Variants in NLGN4Y observed in about 807,000 individuals in gnomAD.
NLGN4Y encodes neuroligin-4, Y-linked.
In NLGN4Y, 4 loss-of-function variants were observed where a neutral mutation model predicts 8.4. That is an observed-to-expected ratio of 0.48 (90% CI 0.23 to 1.09). The LOEUF (loss-of-function observed/expected upper bound fraction) is 1.09, where lower values mean the gene tolerates loss of function less well. Among genes scored for constraint, NLGN4Y ranks in the 50% least tolerant of loss-of-function variants. NLGN4Y has a pLI of 0.19. For missense variants in NLGN4Y, 90 were observed against 192.3 expected (o/e 0.47, Z 3.15); for synonymous variants, 35 against 75.6 (o/e 0.46, Z 2.78).
chrY:14,729,661 C>T (rs894102804), intron 4 of NLGN4Y, among the ~76,000 whole-genome samples: 3 of 33,367 alleles, frequency 9.0e-5, no homozygotes, highest in Admixed American at 5.5e-4. Flanking sequence ...GTCAATGTAC[C>T]TCACAGCATC....
intron 1 of NLGN4Y, among the ~76,000 whole-genome samples, chrY:14,567,043 G>A (rs2080254171): frequency 6.0e-5 from 2 of 33,098 alleles, no homozygotes; most frequent in Non-Finnish European, 1.5e-4. Flanking sequence ...TTGAAAGCCA[G>A]CTTCATATTT....
At chrY:14,609,112 G>T (rs2080458041) in intron 1 of NLGN4Y, among the ~76,000 whole-genome samples, 1 of 33,240 alleles carries the variant, frequency 3.0e-5, no homozygotes, top group Non-Finnish European at 7.4e-5. Context: ...GGGATTTGGG[G>T]CTGAGACAAT....
rs761083520 is a variant in NLGN4Y at position 14,719,277 on chromosome Y, T to C, written c.473-182T>C. Among the ~76,000 whole-genome samples the C allele has an allele frequency of 1.2e-4, 4 of 33,575 alleles. No individual in the cohort carries two copies. The South Asian group carries it at 2.6e-3, about 22-fold the overall frequency. The allele number at this position is 33,575 out of a possible 37,273, so 90.1% of individuals were successfully genotyped here. On this transcript the variant is annotated intron_variant, in intron 2 of 6. Transcript: ENST00000684976. ...TCTTCTTGACATCTTTATGTTTATA[T>C]GCATTTTGCATTTCCCTATCTCATT...
intron 4 of NLGN4Y, among the ~76,000 whole-genome samples, chrY:14,787,234 C>G: frequency 3.2e-5 from 1 of 31,517 alleles, no homozygotes; most frequent in South Asian, 7.4e-4. Context: ...CTCTCTTGAC[C>G]ACGCTGGTTT....
chrY:14,590,276 G>A (rs2080365284), intron 1 of NLGN4Y, among the ~76,000 whole-genome samples: 1 of 34,331 alleles, frequency 2.9e-5, no homozygotes, highest in Non-Finnish European at 7.4e-5. Flanking sequence ...TGCCACCAAA[G>A]TGGGAGCCCA....
chrY:14,591,941 T>C, intron 1 of NLGN4Y, among the ~76,000 whole-genome samples: 2 of 32,681 alleles, frequency 6.1e-5, no homozygotes, highest in Admixed American at 5.6e-4. Flanking sequence ...GTAACGAGGG[T>C]GGAAGGTCAA....
intron 2 of NLGN4Y, among the ~76,000 whole-genome samples, chrY:14,687,121 G>C: frequency 3.1e-5 from 1 of 32,715 alleles, no homozygotes; most frequent in African/African-American, 1.2e-4. Flanking sequence ...TTTAGAAGGT[G>C]ATGAGTGTTC....
At chrY:14,591,081 C>T (rs766185080) in intron 1 of NLGN4Y, among the ~76,000 whole-genome samples, 12 of 32,625 alleles carry the variant, frequency 3.7e-4, no homozygotes, top group South Asian at 1.4e-3. Context: ...TCTGCGCTGA[C>T]GGACTTGAGC....
intron 4 of NLGN4Y, among the ~76,000 whole-genome samples, chrY:14,729,215 G>T (rs909826435): frequency 9.0e-5 from 3 of 33,415 alleles, no homozygotes; most frequent in Non-Finnish European, 1.5e-4. Flanking sequence ...AGTCAGTACC[G>T]CATACTGGTT....
intron 2 of NLGN4Y, among the ~76,000 whole-genome samples, chrY:14,676,938 A>C (rs898676806): frequency 1.2e-4 from 4 of 32,814 alleles, no homozygotes; most frequent in Non-Finnish European, 3.0e-4. Flanking sequence ...ATCCCTAGCT[A>C]TGTGCTTTCT....
intron 4 of NLGN4Y, among the ~76,000 whole-genome samples, chrY:14,790,173 C>T (rs2042980172): frequency 9.2e-5 from 3 of 32,603 alleles, no homozygotes; most frequent in African/African-American, 2.4e-4. Flanking sequence ...AGCTTAATGA[C>T]GTATGCATAT....
chrY:14,776,247 A>G (rs919073210), intron 4 of NLGN4Y, among the ~76,000 whole-genome samples: 1 of 30,851 alleles, frequency 3.2e-5, no homozygotes, highest in African/African-American at 1.2e-4. Flanking sequence ...AATTATATAT[A>G]TAAAATGTAT....
intron 1 of NLGN4Y, among the ~76,000 whole-genome samples, chrY:14,538,620 CT>C: frequency 3.1e-5 from 1 of 32,353 alleles, no homozygotes. Flanking sequence ...GCATTTTTCC[CT>C]TTTTTTTTGA....
intron 1 of NLGN4Y, among the ~76,000 whole-genome samples, chrY:14,575,523 A>G (rs2080294376): frequency 2.8e-4 from 9 of 32,295 alleles, no homozygotes; most frequent in African/African-American, 1.1e-3. Context: ...CTTCTTTGCC[A>G]TGGGTTCAAA....
intron 2 of NLGN4Y, among the ~76,000 whole-genome samples, chrY:14,685,586 C>T: frequency 6.0e-5 from 2 of 33,333 alleles, no homozygotes; most frequent in African/African-American, 2.3e-4. Flanking sequence ...AAGGCCATTA[C>T]CTTCCCTCTA....
At chrY:14,619,286 A>G in intron 1 of NLGN4Y, among the ~76,000 whole-genome samples, 2 of 34,327 alleles carry the variant, frequency 5.8e-5, no homozygotes, top group Non-Finnish European at 1.5e-4. Context: ...CAACTGTTCA[A>G]TACTTTGAGG....
intron 4 of NLGN4Y, among the ~76,000 whole-genome samples, chrY:14,821,614 C>T: frequency 1.2e-4 from 4 of 33,226 alleles, no homozygotes; most frequent in Non-Finnish European, 3.0e-4. Context: ...AACTACAGAG[C>T]GCTGATTGGT....
chrY:14,637,457 G>T, intron 2 of NLGN4Y, among the ~76,000 whole-genome samples: 1 of 33,569 alleles, frequency 3.0e-5, no homozygotes, highest in African/African-American at 1.2e-4. Context: ...GAGTTTATGT[G>T]AAATTTTTTT....
chrY:14,634,251 TATTTCAATCTA>T (rs2080557855), intron 2 of NLGN4Y, among the ~76,000 whole-genome samples: 1 of 33,407 alleles, frequency 3.0e-5, no homozygotes, highest in Non-Finnish European at 7.4e-5. Flanking sequence ...TCCACCTTAT[TATTTCAATCTA>T]ATGTTCTGTA....
Sources: allele counts gnomAD v4.1 joint callset (sites outside exome capture counted in the v4.1 genomes callset), GRCh38; gene constraint gnomAD v4.1.1; transcripts MANE v1.5; gene names NCBI Gene and HGNC (gene_info 2026-07-23, HGNC 2026-07-21).